GRK4: variants seen among roughly 807,000 people sequenced by gnomAD.
GRK4 encodes G protein-coupled receptor kinase 4.
GRK4 carries 73 observed loss-of-function variants against 77.9 expected under a neutral mutation model. The observed-to-expected ratio is 0.94, with a 90% CI of 0.78 to 1.14. The LOEUF is 1.14. Among genes scored for constraint, GRK4 ranks in the 50% most tolerant of loss-of-function variants. The pLI, the probability that GRK4 is intolerant of heterozygous loss-of-function variation, is 0.00. For missense variants in GRK4, 729 were observed against 700.2 expected (o/e 1.04, Z -0.46); for synonymous variants, 257 against 254.4 (o/e 1.01, Z -0.10).
intron 8 of GRK4, among the ~76,000 whole-genome samples, chr4:3,017,697 A>G (rs542079940): frequency 6.6e-6 from 1 of 152,228 alleles, no homozygotes; most frequent in Non-Finnish European, 1.5e-5. Context: ...CCAGGAATGA[A>G]AATCAAATAA....
intron 10 of GRK4, 143 bp from the exon 11 acceptor site, chr4:3,027,769 C>G: frequency 5.0e-6 from 3 of 600,788 alleles, no homozygotes; most frequent in Non-Finnish European, 5.7e-6. Context: ...AAGTTAAATG[C>G]CATTTTACGT....
chr4:3,027,185 A>G (rs1272230389), intron 10 of GRK4, among the ~76,000 whole-genome samples: 1 of 152,192 alleles, frequency 6.6e-6, no homozygotes, highest in Non-Finnish European at 1.5e-5. Context: ...GACCATAGCC[A>G]TGTGCCATCA....
intron 7 of GRK4, among the ~76,000 whole-genome samples, chr4:3,011,623 C>G (rs1211376618): frequency 6.6e-6 from 1 of 152,186 alleles, no homozygotes; most frequent in Non-Finnish European, 1.5e-5. Flanking sequence ...GAGCAGTCAG[C>G]TCACCCCTAC....
intron 12 of GRK4, among the ~76,000 whole-genome samples, chr4:3,031,425 G>A (rs966546141): frequency 1.3e-5 from 2 of 152,322 alleles, no homozygotes; most frequent in Admixed American, 6.5e-5. Context: ...GGCCGTGGTT[G>A]TGTGCTGGGC....
At chr4:2,994,213 T>C (rs1727130879) in intron 4 of GRK4, among the ~76,000 whole-genome samples, 1 of 152,196 alleles carries the variant, frequency 6.6e-6, no homozygotes, top group African/African-American at 2.4e-5. Flanking sequence ...TTTATTTTTA[T>C]TTTTTTCCCT....
chr4:3,009,053 G>C (rs1258390650), intron 6 of GRK4, among the ~76,000 whole-genome samples: 1 of 152,094 alleles, frequency 6.6e-6, no homozygotes, highest in Non-Finnish European at 1.5e-5. Flanking sequence ...TCCTAGTGTT[G>C]GCTGGTTTCA....
At chr4:2,964,331 C>T (rs1168842065) in intron 1 of GRK4, among the ~76,000 whole-genome samples, 1 of 152,168 alleles carries the variant, frequency 6.6e-6, no homozygotes, top group Non-Finnish European at 1.5e-5. Context: ...AGGTCCCAGT[C>T]CCCATCTCCT....
At chr4:3,002,420 G>A (rs1452665628) in intron 4 of GRK4, among the ~76,000 whole-genome samples, 9 of 152,072 alleles carry the variant, frequency 5.9e-5, no homozygotes, top group African/African-American at 1.9e-4. Flanking sequence ...CCTGGGCAAC[G>A]TGGTGAAACA....
chr4:2,988,906 C>A, intron 3 of GRK4, 67 bp downstream of exon 3: 1 of 1,008,158 alleles, frequency 9.9e-7, no homozygotes, highest in African/African-American at 1.6e-5. Flanking sequence ...AAAAACTTGG[C>A]CAGGCGCAGT....
At chr4:2,971,420 C>G (rs997318314) in intron 1 of GRK4, among the ~76,000 whole-genome samples, 7 of 152,274 alleles carry the variant, frequency 4.6e-5, no homozygotes, top group African/African-American at 1.4e-4. Context: ...ATATGCTTCT[C>G]TGAGGTCATT....
intron 13 of GRK4, among the ~76,000 whole-genome samples, chr4:3,035,726 A>G (rs569091117): frequency 4.0e-5 from 6 of 151,774 alleles, no homozygotes; most frequent in African/African-American, 1.2e-4. Context: ...CCCGGCTGCA[A>G]CACAGTTTTT....
chr4:3,036,891 G>A (rs1740806049), intron 13 of GRK4, among the ~76,000 whole-genome samples: 2 of 152,210 alleles, frequency 1.3e-5, no homozygotes, highest in African/African-American at 4.8e-5. Flanking sequence ...GTCACTAAGG[G>A]ATCCCACCGC....
At chr4:3,014,802 A>T (rs1177029074) in intron 8 of GRK4, among the ~76,000 whole-genome samples, 1 of 152,052 alleles carries the variant, frequency 6.6e-6, no homozygotes, top group African/African-American at 2.4e-5. Context: ...GTTTCAAAAA[A>T]AAGAGAGAGA....
At chr4:2,973,754 G>A (rs1015627329) in intron 1 of GRK4, among the ~76,000 whole-genome samples, 14 of 152,106 alleles carry the variant, frequency 9.2e-5, no homozygotes, top group African/African-American at 7.2e-5. Context: ...CTGACAGCCC[G>A]TTCTCAGCAC....
intron 11 of GRK4, among the ~76,000 whole-genome samples, chr4:3,028,317 G>A (rs948494814): frequency 6.6e-5 from 10 of 152,156 alleles, no homozygotes; most frequent in South Asian, 2.1e-4. Flanking sequence ...TGTGCACCAC[G>A]GCCTCTCGGA....
chr4:3,028,821 G>T (rs540388906), intron 11 of GRK4, among the ~76,000 whole-genome samples: 3 of 150,734 alleles, frequency 2.0e-5, no homozygotes, highest in Admixed American at 2.0e-4. Flanking sequence ...GCCCAGGCTA[G>T]AATGCAGTGG....
At chr4:3,006,420 T>C (rs897315748) in intron 5 of GRK4, among the ~76,000 whole-genome samples, 2 of 152,072 alleles carry the variant, frequency 1.3e-5, no homozygotes, top group Admixed American at 6.6e-5. Flanking sequence ...CAAGTCATCT[T>C]ACTTATTCTT....
intron 8 of GRK4, among the ~76,000 whole-genome samples, chr4:3,015,535 C>A (rs1013896142): frequency 6.6e-6 from 1 of 151,946 alleles, no homozygotes; most frequent in African/African-American, 2.4e-5. Context: ...ATTAGCCAGG[C>A]GTGGTGGCAG....
chr4:2,976,715 AC>A (rs1721302336), intron 1 of GRK4, among the ~76,000 whole-genome samples: 2 of 140,516 alleles, frequency 1.4e-5, no homozygotes, highest in Non-Finnish European at 3.0e-5. Context: ...ATCCCAGCTC[AC>A]CACAACCTCC....
Sources: gnomAD v4.1 joint callset for allele counts (sites outside exome capture counted in the v4.1 genomes callset) on GRCh38, gnomAD v4.1.1 for gene constraint, MANE v1.5 for transcripts, NCBI Gene and HGNC (gene_info 2026-07-23, HGNC 2026-07-21) for gene names.